SPATA17: variants seen among roughly 807,000 people sequenced by gnomAD.
The protein encoded by SPATA17 is spermatogenesis associated 17, also known as spermatogenesis-associated protein 17.
A neutral mutation model predicts 62.2 loss-of-function variants in SPATA17; 53 were observed. The observed-to-expected ratio is 0.85, with a 90% CI of 0.68 to 1.07. The LOEUF is 1.07. Among genes scored for constraint, SPATA17 ranks in the 50% least tolerant of loss-of-function variants. The pLI, the probability that SPATA17 is intolerant of heterozygous loss-of-function variation, is 0.00. For synonymous variants in SPATA17, 146 were observed against 146.8 expected, an observed-to-expected ratio of 0.99 and a Z score of 0.04; for missense variants, 466 against 425.5, an observed-to-expected ratio of 1.10 and a Z score of -0.84.
chr1:217,752,853 A>G (rs4440924), intron 6 of SPATA17, among the ~76,000 whole-genome samples: 116,331 of 151,934 alleles, frequency 0.77, 44,928 homozygotes, highest in Non-Finnish European at 0.81. Flanking sequence ...CTTCATTCAC[A>G]GTGCCTCCTA....
intron 3 of SPATA17, among the ~76,000 whole-genome samples, chr1:217,661,119 C>G (rs920059313): frequency 6.6e-6 from 1 of 151,866 alleles, no homozygotes; most frequent in Non-Finnish European, 1.5e-5. Flanking sequence ...GTTCTAGATC[C>G]ATAGTTATAA....
intron 5 of SPATA17, among the ~76,000 whole-genome samples, chr1:217,716,192 A>G (rs1671999158): frequency 6.6e-6 from 1 of 152,242 alleles, no homozygotes; most frequent in South Asian, 2.1e-4. Context: ...CACAATACTC[A>G]AGATTTTTAG....
At chr1:217,662,136 T>A (rs933874009) in intron 3 of SPATA17, among the ~76,000 whole-genome samples, 2 of 152,210 alleles carry the variant, frequency 1.3e-5, no homozygotes, top group Admixed American at 1.3e-4. Context: ...GTTATATTTT[T>A]AAATTTGCCT....
At chr1:217,718,184 A>G (rs1194810816) in intron 5 of SPATA17, among the ~76,000 whole-genome samples, 1 of 152,236 alleles carries the variant, frequency 6.6e-6, no homozygotes, top group Non-Finnish European at 1.5e-5. Context: ...GCACAGGAGA[A>G]GATGAGAATT....
chr1:217,840,938 T>C (rs1210122532), intron 9 of SPATA17, among the ~76,000 whole-genome samples: 3 of 151,998 alleles, frequency 2.0e-5, no homozygotes, highest in Non-Finnish European at 4.4e-5. Context: ...TATATGTGGA[T>C]ATATACTTAT....
intron 6 of SPATA17, among the ~76,000 whole-genome samples, chr1:217,771,707 T>C (rs1322696657): frequency 6.6e-6 from 1 of 152,190 alleles, no homozygotes; most frequent in Non-Finnish European, 1.5e-5. Flanking sequence ...TTTCGATCTA[T>C]ATTTGATTTA....
At chr1:217,688,553 A>T (rs764634720) in intron 5 of SPATA17, among the ~76,000 whole-genome samples, 1 of 152,224 alleles carries the variant, frequency 6.6e-6, no homozygotes, top group Non-Finnish European at 1.5e-5. Flanking sequence ...ATAGGTCGAC[A>T]GCCCCATCTT....
chr1:217,662,493 T>C (rs868552519), intron 3 of SPATA17, among the ~76,000 whole-genome samples: 1 of 152,148 alleles, frequency 6.6e-6, no homozygotes, highest in South Asian at 2.1e-4. Context: ...ATTATAAAAA[T>C]AACATTATAT....
chr1:217,776,106 C>A (rs1673583548), intron 7 of SPATA17, among the ~76,000 whole-genome samples: 1 of 152,078 alleles, frequency 6.6e-6, no homozygotes, highest in African/African-American at 2.4e-5. Context: ...GAATTTGAGA[C>A]AGCTCAAAAC....
intron 9 of SPATA17, among the ~76,000 whole-genome samples, chr1:217,813,127 C>T (rs952349623): frequency 6.6e-6 from 1 of 152,136 alleles, no homozygotes; most frequent in African/African-American, 2.4e-5. Context: ...TAAAGTTGAC[C>T]TTTGCTGTCT....
chr1:217,657,629 A>G (rs1205885784), intron 3 of SPATA17, among the ~76,000 whole-genome samples: 1 of 152,236 alleles, frequency 6.6e-6, no homozygotes, highest in African/African-American at 2.4e-5. Flanking sequence ...ACAGTTATAT[A>G]CAATAATAAC....
chr1:217,660,288 T>G (rs1350479748), intron 3 of SPATA17, among the ~76,000 whole-genome samples: 1 of 152,212 alleles, frequency 6.6e-6, no homozygotes, highest in Non-Finnish European at 1.5e-5. Flanking sequence ...TTTCTCTCAC[T>G]GATACATTTG....
At chr1:217,717,850 T>C (rs1672043664) in intron 5 of SPATA17, among the ~76,000 whole-genome samples, 1 of 152,190 alleles carries the variant, frequency 6.6e-6, no homozygotes, top group Admixed American at 6.5e-5. Context: ...CAGAAGTTAA[T>C]AACTGCTTTG....
At chr1:217,759,906 T>G (rs1343917321) in intron 6 of SPATA17, among the ~76,000 whole-genome samples, 2 of 152,314 alleles carry the variant, frequency 1.3e-5, no homozygotes, top group Non-Finnish European at 2.9e-5. Context: ...GTGGATAAAC[T>G]TAAGTTGCTA....
chr1:217,845,298 A>T (rs1675497840), intron 9 of SPATA17, among the ~76,000 whole-genome samples: 1 of 152,014 alleles, frequency 6.6e-6, no homozygotes, highest in South Asian at 2.1e-4. Context: ...AGAGCACTAG[A>T]TGCATTCACT....
intron 5 of SPATA17, among the ~76,000 whole-genome samples, chr1:217,710,870 A>G (rs1043926619): frequency 6.6e-6 from 1 of 152,122 alleles, no homozygotes; most frequent in Non-Finnish European, 1.5e-5. Context: ...CCACTAGTCT[A>G]CTTTCTGGCT....
chr1:217,807,256 G>A (rs1430419178), intron 9 of SPATA17, among the ~76,000 whole-genome samples: 1 of 151,916 alleles, frequency 6.6e-6, no homozygotes, highest in East Asian at 1.9e-4. Context: ...CTCCAAAAGA[G>A]GGGAGGGAGG....
At chr1:217,777,821 A>G (rs1389599347) in intron 7 of SPATA17, among the ~76,000 whole-genome samples, 2 of 152,124 alleles carry the variant, frequency 1.3e-5, no homozygotes, top group African/African-American at 4.8e-5. Flanking sequence ...CAAAAGAGAG[A>G]TAGTAGGAAA....
intron 9 of SPATA17, among the ~76,000 whole-genome samples, chr1:217,824,503 C>T (rs2102998544): frequency 6.6e-6 from 1 of 151,382 alleles, no homozygotes; most frequent in South Asian, 2.1e-4. Context: ...TCCATCTTTT[C>T]TGTTCTTAAT....
Sources: gnomAD v4.1 joint callset for allele counts (sites outside exome capture counted in the v4.1 genomes callset) on GRCh38, gnomAD v4.1.1 for gene constraint, MANE v1.5 for transcripts, NCBI Gene and HGNC (gene_info 2026-07-23, HGNC 2026-07-21) for gene names.